MORN5: variants seen among roughly 807,000 people sequenced by gnomAD.
The protein encoded by MORN5 is MORN repeat-containing protein 5.
Under a neutral mutation model 22.1 loss-of-function variants are expected in MORN5, and 21 were observed. The ratio of observed to expected loss-of-function variants is 0.95; its 90% confidence interval spans 0.67 to 1.37. The LOEUF (loss-of-function observed/expected upper bound fraction) is 1.37. Among genes scored for constraint, MORN5 ranks in the 40% most tolerant of loss-of-function variants. MORN5 has a pLI of 0.00. For missense variants in MORN5, 211 were observed against 215.1 expected (o/e 0.98, Z 0.12); for synonymous variants, 73 against 74.0 (o/e 0.99, Z 0.07).
intron 4 of MORN5, among the ~76,000 whole-genome samples, chr9:122,192,329 G>C (rs922339690): frequency 1.3e-5 from 2 of 152,162 alleles, no homozygotes; most frequent in African/African-American, 4.8e-5. Context: ...CCTCATGCAA[G>C]CCTTCAAGAC....
intron 1 of MORN5, among the ~76,000 whole-genome samples, chr9:122,161,343 C>T (rs1039542778): frequency 2.0e-5 from 3 of 152,158 alleles, no homozygotes; most frequent in Admixed American, 6.5e-5. Flanking sequence ...ATCATTACAT[C>T]AATTTTGCAA....
chr9:122,190,283 A>G (rs1475202609), intron 4 of MORN5, among the ~76,000 whole-genome samples: 1 of 152,230 alleles, frequency 6.6e-6, no homozygotes, highest in Non-Finnish European at 1.5e-5. Context: ...ATTAAAACAA[A>G]GTGTATCCAC....
At chr9:122,164,989 G>T (rs1588300418) in intron 1 of MORN5, among the ~76,000 whole-genome samples, 1 of 152,262 alleles carries the variant, frequency 6.6e-6, no homozygotes, top group East Asian at 1.9e-4. Context: ...AGGAGCTGAG[G>T]ATACCAAAGT....
intron 1 of MORN5, 49 bp from the exon 2 acceptor site, chr9:122,166,719 A>T (rs1588301249): frequency 2.5e-6 from 4 of 1,569,836 alleles, no homozygotes; most frequent in East Asian, 4.5e-5. Flanking sequence ...GCCAGCTCTG[A>T]TCCTCCAGCT....
In MORN5 at chr9:122,192,150, C is replaced by T. The variant is rs536450932; in HGVS notation, c.440-7735C>T. Among the ~76,000 whole-genome samples the T allele has an allele frequency of 8.5e-5, 13 of 152,338 alleles. No individual in the cohort carries two copies. In the South Asian group the frequency reaches 2.1e-3, roughly 24 times the overall value. ...ACCCAGCGAGTCGGTGGCTCAGCAT[C>T]GGATCCAGGCTTGTTCGGCTCCAGA... On this transcript the variant is annotated intron_variant, in intron 4 of 4. Coordinates refer to ENST00000373764, the MANE Select transcript of MORN5 (RefSeq NM_198469.4).
intron 1 of MORN5, among the ~76,000 whole-genome samples, chr9:122,162,983 A>G (rs1462028166): frequency 1.3e-5 from 2 of 152,090 alleles, no homozygotes; most frequent in Non-Finnish European, 2.9e-5. Context: ...TTACACTTCA[A>G]TGTATCTACT....
At chr9:122,193,465 G>A (rs984171568) in intron 4 of MORN5, among the ~76,000 whole-genome samples, 9 of 152,128 alleles carry the variant, frequency 5.9e-5, no homozygotes, top group Non-Finnish European at 1.2e-4. Context: ...CATGCCTGTA[G>A]TCCCAGCTAC....
At chr9:122,183,637 G>A (rs1829568086) in intron 4 of MORN5, among the ~76,000 whole-genome samples, 1 of 152,188 alleles carries the variant, frequency 6.6e-6, no homozygotes, top group Admixed American at 6.5e-5. Context: ...CTGATCATCA[G>A]AAATGCCGTC....
chr9:122,169,864 A>T, intron 3 of MORN5, 108 bp downstream of exon 3: 1 of 815,944 alleles, frequency 1.2e-6, no homozygotes, highest in Non-Finnish European at 2.1e-6. Context: ...GGGAAGAGGA[A>T]CTGAGCAGGC....
At chr9:122,176,222 A>G (rs1829449844) in intron 4 of MORN5, among the ~76,000 whole-genome samples, 1 of 151,868 alleles carries the variant, frequency 6.6e-6, no homozygotes, top group Admixed American at 6.6e-5. Context: ...CTGGAGGAAC[A>G]TGGCAAATGC....
chr9:122,159,997 A>T lies in MORN5; in HGVS notation c.25A>T (p.Ile9Phe). 1.9e-6 allele frequency: 3 copies of T among 1,613,966 alleles called. No homozygotes were observed. Among genetic ancestry groups the T allele is most frequent in the Non-Finnish European group, 2.5e-6 (3 of 1,179,952 alleles). ...CATGGAGTACACAGGGAGCAAATAT[A>T]TCGGGGAATATGTAGATGGGAGGTA... MEYTGSKY[I>F]GEYVDGRMEG... Residue 9 changes from isoleucine to phenylalanine, a missense_variant, in exon 1 of 5, where the codon ATC (isoleucine) becomes TTC (phenylalanine). Coordinates refer to ENST00000373764, the MANE Select transcript of MORN5 (RefSeq NM_198469.4).
chr9:122,189,210 A>G (rs76416632), intron 4 of MORN5, among the ~76,000 whole-genome samples: 1 of 151,956 alleles, frequency 6.6e-6, no homozygotes, highest in African/African-American at 2.4e-5. Flanking sequence ...AAAAAAAAAA[A>G]AGATATGTAT....
intron 4 of MORN5, among the ~76,000 whole-genome samples, chr9:122,185,496 G>A (rs548689720): frequency 6.9e-6 from 1 of 143,910 alleles, no homozygotes; most frequent in Admixed American, 6.8e-5. Context: ...AAAGTGCTGG[G>A]ATTACAGGCG....
chr9:122,175,651 T>C (rs567589191), intron 4 of MORN5: 15 of 984,740 alleles, frequency 1.5e-5, no homozygotes, highest in Admixed American at 6.2e-5. Flanking sequence ...TCTTAAGGGG[T>C]GAATGGTCCC....
intron 4 of MORN5, among the ~76,000 whole-genome samples, chr9:122,184,958 A>T (rs1416163790): frequency 6.6e-6 from 1 of 152,256 alleles, no homozygotes; most frequent in East Asian, 1.9e-4. Flanking sequence ...ATAGAGATAT[A>T]AAAAGTATAC....
At chr9:122,171,723 C>G (rs1294999227) in intron 3 of MORN5, among the ~76,000 whole-genome samples, 2 of 152,074 alleles carry the variant, frequency 1.3e-5, no homozygotes, top group African/African-American at 2.4e-5. Context: ...TCCCCTGCCC[C>G]CTAAGTGCAA....
At chr9:122,181,206 G>C (rs541171206) in intron 4 of MORN5, among the ~76,000 whole-genome samples, 1 of 152,300 alleles carries the variant, frequency 6.6e-6, no homozygotes, top group South Asian at 2.1e-4. Flanking sequence ...GCTTGGGTTC[G>C]AGCACCTAGG....
chr9:122,176,268 T>C (rs141891928), intron 4 of MORN5, among the ~76,000 whole-genome samples: 47 of 152,258 alleles, frequency 3.1e-4, no homozygotes, highest in Middle Eastern at 3.4e-3. Flanking sequence ...ATTTCTTCAA[T>C]GACTTCCCTT....
intron 4 of MORN5, among the ~76,000 whole-genome samples, chr9:122,193,882 G>A (rs1050146230): frequency 3.9e-5 from 6 of 152,218 alleles, no homozygotes; most frequent in Non-Finnish European, 8.8e-5. Flanking sequence ...GGAGGGAAGC[G>A]GGGAGGGAAG....
Sources: gnomAD v4.1 joint callset for allele counts (sites outside exome capture counted in the v4.1 genomes callset) on GRCh38, gnomAD v4.1.1 for gene constraint, MANE v1.5 for transcripts, NCBI Gene and HGNC (gene_info 2026-07-23, HGNC 2026-07-21) for gene names.